Variants in DUSP13B observed in about 807,000 individuals in gnomAD.
The protein encoded by DUSP13B is dual specificity protein phosphatase 13B.
At chr10:75,098,626 G>T in the DUSP13B span, among the ~76,000 whole-genome samples, 3 of 152,134 alleles carry the variant, frequency 2.0e-5, no homozygotes, top group Non-Finnish European at 4.4e-5. Context: ...GCCAGGTGTG[G>T]TGGTCCACTC....
chr10:75,099,300 C>A, the DUSP13B span: 13 of 1,232,336 alleles, frequency 1.1e-5, no homozygotes, highest in Non-Finnish European at 1.2e-5. Context: ...AAACAGGCAC[C>A]CAGGAGGCTG....
chr10:75,106,056 A>G, the DUSP13B span, among the ~76,000 whole-genome samples: 1 of 147,536 alleles, frequency 6.8e-6, no homozygotes. Flanking sequence ...TGTTCTGCCT[A>G]CCCTTGGGAT....
At chr10:75,105,432 G>A in the DUSP13B span, among the ~76,000 whole-genome samples, 2 of 152,198 alleles carry the variant, frequency 1.3e-5, no homozygotes, top group Non-Finnish European at 2.9e-5. Flanking sequence ...GATATGGGTT[G>A]GGGGTCCTAC....
chr10:75,096,355 T>C, the DUSP13B span, among the ~76,000 whole-genome samples: 1 of 151,812 alleles, frequency 6.6e-6, no homozygotes, highest in African/African-American at 2.4e-5. Flanking sequence ...GGCGGGAGGA[T>C]TCATTGAGCT....
the DUSP13B span, among the ~76,000 whole-genome samples, chr10:75,098,862 G>A: frequency 6.6e-6 from 1 of 152,190 alleles, no homozygotes; most frequent in East Asian, 1.9e-4. Flanking sequence ...GATGCCCAAA[G>A]CCATACGGCT....
At chr10:75,108,288 A>C in the DUSP13B span, 2 of 1,510,550 alleles carry the variant, frequency 1.3e-6, no homozygotes, top group Non-Finnish European at 1.8e-6. Context: ...CCCCTGCTGC[A>C]GAGGGACCGA....
chr10:75,107,194 G>T, the DUSP13B span, among the ~76,000 whole-genome samples: 2 of 152,070 alleles, frequency 1.3e-5, no homozygotes, highest in Non-Finnish European at 2.9e-5. Flanking sequence ...AATTAGCCGG[G>T]TATGGTGGCG....
At chr10:75,108,860 C>G in the DUSP13B span, 1 of 1,056,292 alleles carries the variant, frequency 9.5e-7, no homozygotes, top group East Asian at 3.1e-5. Flanking sequence ...GACCTCAGCA[C>G]CCCCGGGGGT....
At chr10:75,107,991 C>T in the DUSP13B span, 10 of 1,610,312 alleles carry the variant, frequency 6.2e-6, no homozygotes, top group Non-Finnish European at 8.5e-6. Context: ...CCAAGTCCTA[C>T]CCCCAGGCGT....
chr10:75,099,485 C>G, the DUSP13B span: 14 of 1,232,198 alleles, frequency 1.1e-5, no homozygotes, highest in South Asian at 5.4e-4. Flanking sequence ...AGGACTCTGC[C>G]TGAGCGGAAC....
the DUSP13B span, among the ~76,000 whole-genome samples, chr10:75,102,348 C>A: frequency 6.6e-6 from 1 of 152,200 alleles, no homozygotes; most frequent in African/African-American, 2.4e-5. Flanking sequence ...GAGGCTGAGG[C>A]AGGAGAATGG....
the DUSP13B span, chr10:75,094,456 A>G: frequency 1.8e-6 from 1 of 570,326 alleles, no homozygotes. Context: ...TGAATATTTT[A>G]TTATAGAGAT....
the DUSP13B span, among the ~76,000 whole-genome samples, chr10:75,096,405 T>G: frequency 6.6e-6 from 1 of 151,318 alleles, no homozygotes; most frequent in Non-Finnish European, 1.5e-5. Flanking sequence ...GGCAAAACCT[T>G]ATCTCTACAA....
At chr10:75,099,103 C>A in the DUSP13B span, 1 of 1,232,370 alleles carries the variant, frequency 8.1e-7, no homozygotes, top group Non-Finnish European at 1.0e-6. Flanking sequence ...CATCTGCTGG[C>A]TGAAGGAGTC....
the DUSP13B span, among the ~76,000 whole-genome samples, chr10:75,104,255 A>G: frequency 6.6e-6 from 1 of 152,106 alleles, no homozygotes; most frequent in Non-Finnish European, 1.5e-5. Context: ...AGAGATGAGG[A>G]GGTAGATTTG....
chr10:75,108,289 G>T, the DUSP13B span: 1 of 1,510,842 alleles, frequency 6.6e-7, no homozygotes, highest in South Asian at 1.3e-5. Context: ...CCCTGCTGCA[G>T]AGGGACCGAG....
At chr10:75,094,843 G>A in the DUSP13B span, 32 of 1,614,002 alleles carry the variant, frequency 2.0e-5, no homozygotes, top group East Asian at 3.6e-4. Flanking sequence ...GTGGCAGAGC[G>A]GCTTACCCCC....
chr10:75,095,200 G>T, the DUSP13B span, among the ~76,000 whole-genome samples: 2 of 152,180 alleles, frequency 1.3e-5, no homozygotes, highest in Admixed American at 1.3e-4. Flanking sequence ...TATAGGGGGT[G>T]TCCATCTACC....
chr10:75,107,078 A>G, the DUSP13B span, among the ~76,000 whole-genome samples: 1 of 152,148 alleles, frequency 6.6e-6, no homozygotes, highest in African/African-American at 2.4e-5. Context: ...GCTCATGCCT[A>G]TAATCCCAGC....
Sources: gnomAD v4.1 joint callset for allele counts (sites outside exome capture counted in the v4.1 genomes callset) on GRCh38, gnomAD v4.1.1 for gene constraint, MANE v1.5 for transcripts, NCBI Gene and HGNC (gene_info 2026-07-23, HGNC 2026-07-21) for gene names.